Variants in GABRA3 observed in about 807,000 individuals in gnomAD.
GABRA3 encodes gamma-aminobutyric acid receptor subunit alpha-3.
A neutral mutation model predicts 30.1 loss-of-function variants in GABRA3; 10 were observed. The observed-to-expected ratio is 0.33, with a 90% confidence interval of 0.20 to 0.56. The LOEUF (loss-of-function observed/expected upper bound fraction) is 0.56, where lower values mean the gene tolerates loss of function less well. Ranked by LOEUF, GABRA3 falls within the 20% of genes least tolerant of loss-of-function variation. The probability of loss-of-function intolerance (pLI) is 0.89; values close to 1 mark genes in which losing one functional copy is unlikely to be tolerated. For missense variants in GABRA3, 233 were observed against 392.0 expected, an observed-to-expected ratio of 0.59 and a Z score of 3.42; for synonymous variants, 151 against 146.8, an observed-to-expected ratio of 1.03 and a Z score of -0.21.
intron 1 of GABRA3, among the ~76,000 whole-genome samples, chrX:152,406,571 A>AATATAT (rs61577907): frequency 0.022 from 2,078 of 95,494 alleles, 25 homozygotes; most frequent in Admixed American, 0.031. Context: ...CTAACACTGG[A>AATATAT]ATATATATAT....
At chrX:152,330,360 A>G (rs182292955) in intron 3 of GABRA3, among the ~76,000 whole-genome samples, 70 of 112,038 alleles carry the variant, frequency 6.2e-4, no homozygotes, top group Middle Eastern at 4.7e-3. Context: ...TATATACCCA[A>G]AGGATTATAA....
intron 3 of GABRA3, among the ~76,000 whole-genome samples, chrX:152,316,775 G>C (rs1277275216): frequency 1.8e-5 from 2 of 111,730 alleles, no homozygotes; most frequent in East Asian, 5.6e-4. Flanking sequence ...CATAAATGAA[G>C]GAAAGATACA....
intron 3 of GABRA3, among the ~76,000 whole-genome samples, chrX:152,286,272 C>A (rs959451981): frequency 1.9e-5 from 2 of 107,554 alleles, no homozygotes; most frequent in Admixed American, 2.0e-4. Flanking sequence ...TCTGTCAGCC[C>A]TACTTACCCC....
chrX:152,237,799 T>C (rs1938258213), intron 5 of GABRA3, among the ~76,000 whole-genome samples: 1 of 107,155 alleles, frequency 9.3e-6, no homozygotes, highest in Admixed American at 1.0e-4. Flanking sequence ...TGTTTGTCTG[T>C]TGTTGGTGTA....
chrX:152,303,828 G>A (rs1001591960), intron 3 of GABRA3, among the ~76,000 whole-genome samples: 2 of 110,331 alleles, frequency 1.8e-5, no homozygotes, highest in Admixed American at 1.9e-4. Context: ...GGGGCCAACG[G>A]GGGGAGAGCA....
At chrX:152,185,879 G>A (rs1937246552) in intron 9 of GABRA3, among the ~76,000 whole-genome samples, 1 of 111,996 alleles carries the variant, frequency 8.9e-6, no homozygotes, top group African/African-American at 3.2e-5. Flanking sequence ...ATGTTTAATT[G>A]TTAAGCTTTT....
At chrX:152,385,733 G>A (rs1298850906) in intron 1 of GABRA3, among the ~76,000 whole-genome samples, 4 of 111,563 alleles carry the variant, frequency 3.6e-5, no homozygotes, top group Non-Finnish European at 7.5e-5. Flanking sequence ...TGGGTCTAAC[G>A]TTTAAGTCTT....
chrX:152,167,730 G>T lies in GABRA3; in HGVS notation c.*498C>A. 2 of 119,670 alleles carry T rather than the reference G, an allele frequency of 1.7e-5. No homozygotes were observed. Among genetic ancestry groups the T allele is most frequent in the Non-Finnish European group, 3.5e-5 (2 of 57,075 alleles). The allele number at this position is 119,670 out of a possible 1,213,427, so 9.9% of individuals were successfully genotyped here. On this transcript the variant is annotated 3_prime_UTR_variant, in exon 10 of 10. Coordinates refer to ENST00000370314, the MANE Select transcript of GABRA3 (RefSeq NM_000808.4). ...GAACTGGCTCCCACCTTTGCTATCA[G>T]TACTTATGCCTAGTAGGCCTTGCTG...
At chrX:152,231,836 AAAGG>A (rs777121652) in intron 5 of GABRA3, among the ~76,000 whole-genome samples, 1 of 112,048 alleles carries the variant, frequency 8.9e-6, no homozygotes, top group Non-Finnish European at 1.9e-5. Flanking sequence ...CATCAAGAAA[AAAGG>A]AATACACACA....
chrX:152,225,991 C>T (rs1236974730), intron 5 of GABRA3, among the ~76,000 whole-genome samples: 7 of 110,863 alleles, frequency 6.3e-5, no homozygotes, highest in Non-Finnish European at 1.1e-4. Flanking sequence ...CCAGAAATCT[C>T]GCCTAATAAA....
At chrX:152,268,133 C>T (rs778587683) in intron 4 of GABRA3, among the ~76,000 whole-genome samples, 24 of 109,925 alleles carry the variant, frequency 2.2e-4, no homozygotes, top group African/African-American at 8.0e-4. Context: ...AAACTTTACT[C>T]TTAGTACTGC....
intron 1 of GABRA3, among the ~76,000 whole-genome samples, chrX:152,408,438 A>G (rs1929987746): frequency 8.9e-6 from 1 of 111,892 alleles, no homozygotes; most frequent in African/African-American, 3.2e-5. Context: ...GCAGTGAACA[A>G]TCTGAAAAAG....
chrX:152,420,446 C>A (rs1930346062), intron 1 of GABRA3, among the ~76,000 whole-genome samples: 1 of 110,460 alleles, frequency 9.1e-6, no homozygotes, highest in Admixed American at 9.6e-5. Flanking sequence ...TTTTAAATAC[C>A]ACAAAAAAAT....
intron 3 of GABRA3, 36 bp downstream of exon 3, chrX:152,345,545 T>A: frequency 2.5e-6 from 3 of 1,181,715 alleles, no homozygotes. Context: ...AAGAAGAAGA[T>A]CTGAAAAGGA....
chrX:152,208,219 G>T, intron 6 of GABRA3, 75 bp from the exon 7 acceptor site: 1 of 1,062,855 alleles, frequency 9.4e-7, no homozygotes, highest in Non-Finnish European at 1.3e-6. Flanking sequence ...AAACTCAAAT[G>T]AGATCGAAAT....
At chrX:152,203,278 C>G (rs1937506708) in intron 7 of GABRA3, among the ~76,000 whole-genome samples, 1 of 111,805 alleles carries the variant, frequency 8.9e-6, no homozygotes, top group South Asian at 3.8e-4. Context: ...AATCTGAGTG[C>G]CTTTATCTAA....
At chrX:152,210,112 CCTAA>C (rs1222221665) in intron 6 of GABRA3, among the ~76,000 whole-genome samples, 4 of 112,138 alleles carry the variant, frequency 3.6e-5, no homozygotes, top group African/African-American at 9.7e-5. Context: ...AAGCGCAAAA[CCTAA>C]CTTTCAATGT....
At chrX:152,196,571 C>T (rs1422464075) in intron 8 of GABRA3, among the ~76,000 whole-genome samples, 1 of 110,310 alleles carries the variant, frequency 9.1e-6, no homozygotes, top group Non-Finnish European at 1.9e-5. Flanking sequence ...CATATTTAAC[C>T]CACTCTCATA....
intron 1 of GABRA3, among the ~76,000 whole-genome samples, chrX:152,411,192 G>A (rs964865438): frequency 1.8e-5 from 2 of 110,563 alleles, no homozygotes; most frequent in Non-Finnish European, 3.8e-5. Context: ...GTATGTGCCC[G>A]TAGTCCCAGC....
Sources: gnomAD v4.1 joint callset for allele counts (sites outside exome capture counted in the v4.1 genomes callset) on GRCh38, gnomAD v4.1.1 for gene constraint, MANE v1.5 for transcripts, NCBI Gene and HGNC (gene_info 2026-07-23, HGNC 2026-07-21) for gene names.